Variants in POLQ observed in about 807,000 individuals in gnomAD.
POLQ encodes the protein epididymis secretory sperm binding protein.
POLQ carries 233 observed loss-of-function variants against 259.2 expected under a neutral mutation model. That is an observed-to-expected ratio of 0.90 (90% CI 0.81 to 1.00). The LOEUF (loss-of-function observed/expected upper bound fraction) is 1.00. Ranked by LOEUF, POLQ falls within the 50% of genes least tolerant of loss-of-function variation. The pLI is 0.00. For missense variants in POLQ, 2,871 were observed against 3,051.6 expected, an observed-to-expected ratio of 0.94 and a Z score of 1.39; for synonymous variants, 1,025 against 1,048.8, an observed-to-expected ratio of 0.98 and a Z score of 0.44.
chr3:121,483,760 G>A (rs935875983), intron 17 of POLQ, among the ~76,000 whole-genome samples, 178 bp from the exon 18 acceptor site: 1 of 152,040 alleles, frequency 6.6e-6, no homozygotes, highest in Admixed American at 6.6e-5. Flanking sequence ...TAGATGAAGT[G>A]CATCATATAT....
Position 121,512,017 on chromosome 3 carries a change from A to G in POLQ, c.1481T>C (p.Leu494Ser). 1 of 1,613,182 alleles carries G rather than the reference A, an allele frequency of 6.2e-7. No homozygotes were observed. The highest frequency in any genetic ancestry group is 1.1e-5 in the South Asian group (1 of 90,888). ...KGVDTVGESI[L>S]ICKNSEKSKG... ...TGATTTCTCAGAGTTCTTACAAATT[A>G]AGATACTCTCGCCTATAACCAAAAG... is the stretch of plus-strand genomic sequence containing the variant. The change falls in exon 10 of 30, where the codon TTA (leucine) becomes TCA (serine). Residue 494 changes from leucine to serine, a missense_variant. Transcript: ENST00000264233.
chr3:121,490,051 ATTT>A lies in POLQ; in HGVS notation c.2877_2879del (p.Leu959_Asn960delinsPhe). On this transcript the variant is annotated inframe_deletion, in exon 16 of 30. Coordinates refer to ENST00000264233, the MANE Select transcript of POLQ (RefSeq NM_199420.4). ...AGGAACTTGTATGCTCTCTACTTTT[ATTT>A]AAGTCTTGCACTATATTTGGTGAAT... The A allele has an allele frequency of 6.4e-7, 1 of 1,573,420 alleles. No homozygotes were observed. Among genetic ancestry groups the A allele is most frequent in the Non-Finnish European group, 8.6e-7 (1 of 1,163,872 alleles).
chr3:121,449,613 T>G (rs2047656938), intron 25 of POLQ, among the ~76,000 whole-genome samples, 187 bp from the exon 26 acceptor site: 1 of 152,218 alleles, frequency 6.6e-6, no homozygotes, highest in South Asian at 2.1e-4. Flanking sequence ...CTTTCAGCAT[T>G]ACTTTTTGAG....
chr3:121,473,737 T>C (rs1376404608), intron 20 of POLQ, among the ~76,000 whole-genome samples: 2 of 149,354 alleles, frequency 1.3e-5, no homozygotes, highest in African/African-American at 2.5e-5. Flanking sequence ...CTTTTTTTTT[T>C]TTTTTTTTTG....
intron 12 of POLQ, among the ~76,000 whole-genome samples, chr3:121,505,671 T>A (rs73193633): frequency 0.036 from 5,496 of 151,840 alleles, 150 homozygotes; most frequent in Middle Eastern, 0.082. Context: ...AACATGAAAC[T>A]GAAGAACCAT....
chr3:121,502,479 C>T (rs949155642), intron 12 of POLQ, among the ~76,000 whole-genome samples: 3 of 152,266 alleles, frequency 2.0e-5, no homozygotes, highest in Admixed American at 2.0e-4. Context: ...GCTGAGATTA[C>T]AGGCATGAGC....
Position 121,510,970 on chromosome 3 carries a change from G to A in POLQ, c.1612-727C>T, listed in dbSNP as rs558506734. On this transcript the variant is annotated intron_variant, in intron 10 of 29. Coordinates refer to ENST00000264233, the MANE Select transcript of POLQ (RefSeq NM_199420.4). ...GAGCCAGGCGCAGTAGCTCACGCCC[G>A]TAATCCCAGCACTCTGGGAGGCCGA... 9.6e-4 allele frequency among the ~76,000 whole-genome samples: 146 copies of A among 152,282 alleles called. 1 individual carries two copies. Among genetic ancestry groups the A allele is most frequent in the African/African-American group, 3.1e-3 (127 of 41,556 alleles).
intron 14 of POLQ, chr3:121,494,512 C>T (rs1560099426): frequency 1.3e-6 from 2 of 1,544,378 alleles, no homozygotes; most frequent in Non-Finnish European, 1.8e-6. Flanking sequence ...GACCACCTGT[C>T]CTTCGAACAG....
Position 121,455,491 on chromosome 3 carries a change from C to T in POLQ, c.7152+4559G>A, listed in dbSNP as rs1280573153. On this transcript the variant is annotated intron_variant, in intron 25 of 29. Coordinates refer to ENST00000264233, the MANE Select transcript of POLQ (RefSeq NM_199420.4). ...CAAAATTGATAGACTGCTAGCAAGA[C>T]TAATAAAGAAGAAAAGAGAGAAGAA... is the stretch of plus-strand genomic sequence containing the variant. Among the ~76,000 whole-genome samples the T allele has an allele frequency of 7.5e-5, 11 of 147,352 alleles. No individual in the cohort carries two copies. The Admixed American group carries it at 7.6e-4, about 10-fold the overall frequency.
At chr3:121,479,469 G>A (rs1225249935) in intron 19 of POLQ, among the ~76,000 whole-genome samples, 2 of 151,668 alleles carry the variant, frequency 1.3e-5, no homozygotes, top group African/African-American at 4.8e-5. Flanking sequence ...TTGTTTGTTT[G>A]TTTGTTTTTG....
intron 3 of POLQ, 87 bp downstream of exon 3, chr3:121,541,262 T>C (rs1354611780): frequency 1.7e-6 from 2 of 1,207,930 alleles, no homozygotes; most frequent in Admixed American, 4.9e-5. Context: ...GTTTTCCACT[T>C]GCTTTTATAA....
chr3:121,523,807 AT>A (rs1430084897), intron 7 of POLQ, among the ~76,000 whole-genome samples: 3 of 152,198 alleles, frequency 2.0e-5, no homozygotes, highest in Non-Finnish European at 2.9e-5. Flanking sequence ...AAATATGTAT[AT>A]TTAAATATGT....
At chr3:121,533,291 G>T in intron 5 of POLQ, 82 bp from the exon 6 acceptor site, 1 of 913,056 alleles carries the variant, frequency 1.1e-6, no homozygotes, top group Non-Finnish European at 1.6e-6. Context: ...TCTTGGTTAT[G>T]CCCTTTGGTA....
chr3:121,485,315 A>G (rs924466838), intron 16 of POLQ, 131 bp from the exon 17 acceptor site: 12 of 557,366 alleles, frequency 2.2e-5, no homozygotes, highest in Admixed American at 3.6e-5. Context: ...ATGCATTTGG[A>G]CAGTCATTTT....
intron 7 of POLQ, among the ~76,000 whole-genome samples, chr3:121,522,406 G>A (rs1488662965): frequency 2.8e-5 from 4 of 141,400 alleles, no homozygotes; most frequent in Non-Finnish European, 4.5e-5. Context: ...CCGCTTCCCG[G>A]GTTCACGCCA....
At chr3:121,512,100 A>G in intron 9 of POLQ, 71 bp from the exon 10 acceptor site, 1 of 1,351,082 alleles carries the variant, frequency 7.4e-7, no homozygotes, top group Non-Finnish European at 1.0e-6. Flanking sequence ...AGAGATTTTA[A>G]GTTGCCTTAC....
chr3:121,520,948 G>A (rs2048332023), intron 8 of POLQ, among the ~76,000 whole-genome samples: 1 of 152,038 alleles, frequency 6.6e-6, no homozygotes, highest in Admixed American at 6.6e-5. Flanking sequence ...ATACTTAGCT[G>A]GCTCATTTTC....
chr3:121,483,412 A>C lies in POLQ; in HGVS notation c.5944T>G (p.Leu1982Val), dbSNP rs146510319. ...KILLLSCGIS[L>V]EQSYEDPKVA... ...TTAGGATCTTCATAACTTTGCTCCA[A>C]GGAGATGCCACAAGAAAGAAGAAGA... Residue 1982 changes from leucine (L) to valine (V), a missense_variant, in exon 18 of 30, where the codon TTG becomes GTG. This residue lies in a region of POLQ where 2,080 missense variants were observed against 2,126.0 expected (regional missense o/e 0.98). Coordinates refer to ENST00000264233, the MANE Select transcript of POLQ (RefSeq NM_199420.4). 159 of 1,581,430 alleles carry C rather than the reference A, an allele frequency of 1.0e-4. No individual in the cohort carries two copies. Among genetic ancestry groups the C allele is most frequent in the Non-Finnish European group, 1.2e-4 (145 of 1,169,602 alleles).
intron 16 of POLQ, 110 bp from the exon 17 acceptor site, chr3:121,485,294 G>A (rs1451511752): frequency 1.5e-6 from 1 of 670,408 alleles, no homozygotes; most frequent in African/African-American, 1.8e-5. Context: ...AAAATTTCCA[G>A]ATCTTAAAAT....
Sources: allele counts gnomAD v4.1 joint callset (sites outside exome capture counted in the v4.1 genomes callset), GRCh38; gene constraint gnomAD v4.1.1; regional missense constraint gnomAD v4.1.1; transcripts MANE v1.5; gene names NCBI Gene and HGNC (gene_info 2026-07-23, HGNC 2026-07-21).